Variants in VWA3B observed in about 807,000 individuals in gnomAD.
The protein encoded by VWA3B is von Willebrand factor A domain-containing protein 3B.
VWA3B carries 138 observed loss-of-function variants against 158.3 expected under a neutral mutation model. The observed-to-expected ratio is 0.87, with a 90% CI of 0.76 to 1.00. VWA3B has a LOEUF of 1.00. Ranked by LOEUF, VWA3B falls within the 50% of genes least tolerant of loss-of-function variation. The pLI is 0.00. For synonymous variants in VWA3B, 596 were observed against 587.3 expected (o/e 1.01, Z -0.21); for missense variants, 1,555 against 1,565.1 (o/e 0.99, Z 0.11).
rs530440663 is a variant in VWA3B at position 98,099,274 on chromosome 2, A to G, written c.196+5986A>G. 9 of 151,798 alleles carry G rather than the reference A, an allele frequency of 5.9e-5. No homozygotes were observed. The East Asian group carries it at 1.7e-3, about 29-fold the overall frequency. 9.4% of individuals were successfully genotyped at this position (151,798 alleles called of 1,614,324 possible). On this transcript the variant is annotated intron_variant, in intron 2 of 27. Coordinates refer to ENST00000477737, the MANE Select transcript of VWA3B (RefSeq NM_144992.5). Reference sequence around the variant, plus strand: ...TATAAGGCAGGTCTGGTAGTGATGAACTCCCTCGGCTTTTGTTTATCTGTG... The same window carrying G: ...TATAAGGCAGGTCTGGTAGTGATGAGCTCCCTCGGCTTTTGTTTATCTGTG...
chr2:98,315,905 T>A (rs773314735), downstream of VWA3B, among the ~76,000 whole-genome samples: 1 of 152,202 alleles, frequency 6.6e-6, no homozygotes, highest in African/African-American at 2.4e-5. Flanking sequence ...CATGATCGAT[T>A]AGAAGATATG....
At position 98,216,982 on chromosome 2, in the gene VWA3B, A is replaced by ACCGC. The variant is rs1553417707; in HGVS notation, c.1837-862_1837-861insGCCC. 1,562 of 1,237,234 alleles carry ACCGC rather than the reference A, an allele frequency of 1.3e-3. 51 individuals are homozygous for ACCGC. The South Asian group carries it at 0.018, about 14-fold the overall frequency. The allele number at this position is 1,237,234 out of a possible 1,614,324, so 76.6% of individuals were successfully genotyped here. ...GACTGTCATGTGTATCATTGTAAGC[A>ACCGC]CCCGCCCCGCACCCAGTCTCAGGTG... On this transcript the variant is annotated intron_variant, in intron 13 of 27. Coordinates refer to ENST00000477737, the MANE Select transcript of VWA3B (RefSeq NM_144992.5).
chr2:98,248,123 C>T (rs1686518302), intron 19 of VWA3B, among the ~76,000 whole-genome samples: 1 of 151,806 alleles, frequency 6.6e-6, no homozygotes, highest in Non-Finnish European at 1.5e-5. Flanking sequence ...TTTTTCCCAT[C>T]CATTTCTTCT....
intron 10 of VWA3B, among the ~76,000 whole-genome samples, chr2:98,189,311 G>A (rs1220536507): frequency 6.6e-6 from 1 of 152,196 alleles, no homozygotes; most frequent in Non-Finnish European, 1.5e-5. Flanking sequence ...GGAGGCTGAG[G>A]CAGGAGAATC....
chr2:98,243,480 C>T (rs183299372), intron 19 of VWA3B, among the ~76,000 whole-genome samples: 36 of 152,034 alleles, frequency 2.4e-4, no homozygotes, highest in African/African-American at 7.0e-4. Flanking sequence ...ATTACAGGCA[C>T]GCACCACCAT....
At chr2:98,089,855 T>A (rs1004200665) in intron 1 of VWA3B, among the ~76,000 whole-genome samples, 22 of 152,106 alleles carry the variant, frequency 1.4e-4, no homozygotes, top group Non-Finnish European at 1.5e-5. Context: ...GTCATATGAG[T>A]GCAAAAGGGA....
chr2:98,115,575 A>G, intron 2 of VWA3B, 77 bp from the exon 3 acceptor site: 1 of 1,116,502 alleles, frequency 9.0e-7, no homozygotes, highest in South Asian at 1.3e-5. Flanking sequence ...GGTGTCAGAG[A>G]AAAACATTTC....
At chr2:98,235,959 G>A (rs575759900) in intron 17 of VWA3B, among the ~76,000 whole-genome samples, 5 of 152,180 alleles carry the variant, frequency 3.3e-5, no homozygotes, top group African/African-American at 1.2e-4. Flanking sequence ...CAACTAAACA[G>A]GACCTAACAG....
intron 14 of VWA3B, among the ~76,000 whole-genome samples, chr2:98,223,286 A>T (rs1684655562): frequency 6.7e-6 from 1 of 149,570 alleles, no homozygotes; most frequent in Admixed American, 6.7e-5. Flanking sequence ...CAGTCACTCT[A>T]AACAACAGAG....
chr2:98,304,298 G>A (rs1016298861), intron 26 of VWA3B, among the ~76,000 whole-genome samples: 3 of 152,086 alleles, frequency 2.0e-5, no homozygotes, highest in Non-Finnish European at 4.4e-5. Context: ...TAAAGCCAAG[G>A]CAAAAGGAAA....
chr2:98,151,057 C>T (rs1438562833), intron 7 of VWA3B, among the ~76,000 whole-genome samples: 1 of 152,154 alleles, frequency 6.6e-6, no homozygotes, highest in Non-Finnish European at 1.5e-5. Context: ...TTCTTGATCA[C>T]AGGTCTACAT....
In VWA3B at chr2:98,223,857, A is replaced by T. The variant is rs571372270; in HGVS notation, c.2020-4345A>T. Among the ~76,000 whole-genome samples, 7 of 152,248 alleles carry T rather than the reference A, an allele frequency of 4.6e-5. No individual in the cohort carries two copies. In the South Asian group the frequency reaches 1.2e-3, roughly 27 times the overall value. On this transcript the variant is annotated intron_variant, in intron 14 of 27. Coordinates refer to ENST00000477737, the MANE Select transcript of VWA3B (RefSeq NM_144992.5). ...GTGATTCTCCTGCCTCAGCCTTCCAAGTAGCTAGGACTACAGGCGTGTGCC... is the reference window on the plus strand; with the variant it reads ...GTGATTCTCCTGCCTCAGCCTTCCATGTAGCTAGGACTACAGGCGTGTGCC...
downstream of VWA3B, among the ~76,000 whole-genome samples, chr2:98,313,570 A>G (rs1022595759): frequency 1.3e-5 from 2 of 152,234 alleles, no homozygotes. Context: ...CCACCCAGTC[A>G]TAGGCATTGG....
At chr2:98,230,846 A>C (rs1685291881) in intron 16 of VWA3B, among the ~76,000 whole-genome samples, 2 of 152,204 alleles carry the variant, frequency 1.3e-5, no homozygotes. Flanking sequence ...ATTGGAAAGG[A>C]AGAAATAAAA....
At chr2:98,318,956 G>A in the VWA3B span, among the ~76,000 whole-genome samples, 3 of 152,214 alleles carry the variant, frequency 2.0e-5, no homozygotes, top group Non-Finnish European at 2.9e-5. Context: ...CCATGGATAT[G>A]AAAAGTCAGC....
At chr2:98,204,199 C>T (rs1682814433) in intron 12 of VWA3B, among the ~76,000 whole-genome samples, 1 of 152,222 alleles carries the variant, frequency 6.6e-6, no homozygotes, top group Non-Finnish European at 1.5e-5. Context: ...ATTGGGTAGT[C>T]TGCAAATAGA....
chr2:98,196,965 A>G (rs957147658), intron 12 of VWA3B, among the ~76,000 whole-genome samples: 1 of 152,210 alleles, frequency 6.6e-6, no homozygotes, highest in African/African-American at 2.4e-5. Context: ...TTATAAAACT[A>G]AGACATTCAC....
chr2:98,181,226 A>C lies in VWA3B; in HGVS notation c.1311+14A>C, dbSNP rs1422508107. The C allele has an allele frequency of 6.2e-7, 1 of 1,611,162 alleles. No homozygotes were observed. Among genetic ancestry groups the C allele is most frequent in the Non-Finnish European group, 8.5e-7 (1 of 1,178,020 alleles). On this transcript the variant is annotated intron_variant, in intron 9 of 27. Coordinates refer to ENST00000477737, the MANE Select transcript of VWA3B (RefSeq NM_144992.5). Reference sequence around the variant, plus strand: ...CAGACCAGTGCGGTAGGTGAAGTGCACTCCTGGGAGGGGCTGGGGCCTCCC... The same window carrying C: ...CAGACCAGTGCGGTAGGTGAAGTGCCCTCCTGGGAGGGGCTGGGGCCTCCC...
intron 8 of VWA3B, among the ~76,000 whole-genome samples, chr2:98,175,765 A>G (rs534166452): frequency 6.6e-6 from 1 of 152,328 alleles, no homozygotes; most frequent in Middle Eastern, 3.4e-3. Context: ...TAGACACATT[A>G]TAATCAAGCT....
Sources: allele counts gnomAD v4.1 joint callset (sites outside exome capture counted in the v4.1 genomes callset), GRCh38; gene constraint gnomAD v4.1.1; transcripts MANE v1.5; gene names NCBI Gene and HGNC (gene_info 2026-07-23, HGNC 2026-07-21).